Variants in GSK3B observed in about 807,000 individuals in gnomAD.
GSK3B encodes glycogen synthase kinase 3 beta.
Under a neutral mutation model 56.4 loss-of-function variants are expected in GSK3B, and 15 were observed. The observed-to-expected ratio is 0.27, with a 90% CI of 0.18 to 0.41. The LOEUF (loss-of-function observed/expected upper bound fraction) is 0.41. Ranked by LOEUF, GSK3B falls within the 10% of genes least tolerant of loss-of-function variation. The pLI is 1.00. For missense variants in GSK3B, 300 were observed against 513.4 expected, an observed-to-expected ratio of 0.58 and a Z score of 4.02; for synonymous variants, 181 against 188.9, an observed-to-expected ratio of 0.96 and a Z score of 0.34.
At chr3:120,076,602 T>C (rs1208583656) in intron 1 of GSK3B, among the ~76,000 whole-genome samples, 1 of 151,590 alleles carries the variant, frequency 6.6e-6, no homozygotes, top group Non-Finnish European at 1.5e-5. Context: ...GATCACGAGG[T>C]CAGGAGATCG....
At chr3:119,987,617 T>C (rs1361919440) in intron 2 of GSK3B, among the ~76,000 whole-genome samples, 1 of 152,130 alleles carries the variant, frequency 6.6e-6, no homozygotes, top group Non-Finnish European at 1.5e-5. Flanking sequence ...TGGGTTTTTC[T>C]TAAAGCACTA....
chr3:120,028,763 G>A (rs2057950733), intron 1 of GSK3B: 1 of 474,752 alleles, frequency 2.1e-6, no homozygotes, highest in Non-Finnish European at 4.1e-6. Context: ...GCTGGGCAGA[G>A]AGAGGTTGGG....
intron 1 of GSK3B, among the ~76,000 whole-genome samples, chr3:120,072,772 T>C (rs2058337038): frequency 6.6e-6 from 1 of 152,108 alleles, no homozygotes; most frequent in African/African-American, 2.4e-5. Flanking sequence ...AGTGCAAGAA[T>C]AATATAAAAC....
chr3:119,827,236 T>A (rs766440808), intron 10 of GSK3B, among the ~76,000 whole-genome samples: 1 of 152,190 alleles, frequency 6.6e-6, no homozygotes, highest in Non-Finnish European at 1.5e-5. Flanking sequence ...TGAACCATGT[T>A]ACAATATGCC....
chr3:119,922,599 C>A (rs959254880), intron 4 of GSK3B, among the ~76,000 whole-genome samples: 1 of 150,992 alleles, frequency 6.6e-6, no homozygotes, highest in Non-Finnish European at 1.5e-5. Context: ...ACTTTGATAA[C>A]CCTTTTATTA....
At chr3:119,885,298 G>A (rs1406013692) in intron 7 of GSK3B, among the ~76,000 whole-genome samples, 2 of 129,410 alleles carry the variant, frequency 1.5e-5, no homozygotes, top group Admixed American at 7.5e-5. Flanking sequence ...AAAATACCTA[G>A]GAATACCTCT....
At chr3:120,054,851 T>A (rs760372255) in intron 1 of GSK3B, among the ~76,000 whole-genome samples, 1 of 152,212 alleles carries the variant, frequency 6.6e-6, no homozygotes, top group South Asian at 2.1e-4. Context: ...GTGTAGCACA[T>A]GTAATGAGTT....
chr3:119,981,367 G>A (rs1267902425), intron 2 of GSK3B, among the ~76,000 whole-genome samples: 3 of 152,214 alleles, frequency 2.0e-5, no homozygotes, highest in Admixed American at 6.5e-5. Context: ...TGCAGCCCAT[G>A]GAGGGCAAGC....
At chr3:119,945,499 T>TTC (rs1398747465) in intron 3 of GSK3B, among the ~76,000 whole-genome samples, 1 of 152,120 alleles carries the variant, frequency 6.6e-6, no homozygotes, top group Non-Finnish European at 1.5e-5. Context: ...GGCATACAGA[T>TTC]AAGAGGCAGT....
chr3:119,993,429 T>C (rs1482840350), intron 2 of GSK3B, among the ~76,000 whole-genome samples: 1 of 152,088 alleles, frequency 6.6e-6, no homozygotes, highest in East Asian at 1.9e-4. Flanking sequence ...ATTAATAGTC[T>C]ATGCTACAGG....
chr3:119,922,374 T>C (rs2056852026), intron 4 of GSK3B, among the ~76,000 whole-genome samples: 2 of 148,108 alleles, frequency 1.4e-5, no homozygotes, highest in Admixed American at 6.8e-5. Flanking sequence ...ACATATAGTA[T>C]AGTTTATATA....
chr3:119,959,450 C>T (rs1455129218), intron 2 of GSK3B, among the ~76,000 whole-genome samples: 4 of 151,800 alleles, frequency 2.6e-5, no homozygotes, highest in African/African-American at 9.7e-5. Context: ...GGCAATTCCA[C>T]TCCTCTAGTT....
chr3:119,904,932 T>C (rs1486616371), intron 7 of GSK3B, among the ~76,000 whole-genome samples: 2 of 150,436 alleles, frequency 1.3e-5, no homozygotes, highest in Non-Finnish European at 3.0e-5. Flanking sequence ...AATGAAACAA[T>C]CTAGTGATAT....
At chr3:120,049,256 A>T (rs1437247563) in intron 1 of GSK3B, among the ~76,000 whole-genome samples, 1 of 152,232 alleles carries the variant, frequency 6.6e-6, no homozygotes, top group Admixed American at 6.5e-5. Flanking sequence ...ACACAAAAGC[A>T]ATCCATTTAT....
intron 1 of GSK3B, among the ~76,000 whole-genome samples, chr3:120,082,382 G>GTTTTTTTT (rs1296252569): frequency 2.8e-5 from 2 of 72,498 alleles, no homozygotes; most frequent in African/African-American, 1.1e-4. Flanking sequence ...AAATTAGTAT[G>GTTTTTTTT]TTCTTTTTTT....
chr3:119,888,075 CA>C (rs1423329985), intron 7 of GSK3B, among the ~76,000 whole-genome samples: 19 of 151,996 alleles, frequency 1.3e-4, no homozygotes, highest in Non-Finnish European at 2.9e-5. Flanking sequence ...AGATCTTCAC[CA>C]CAAAAAAGTA....
intron 9 of GSK3B, among the ~76,000 whole-genome samples, chr3:119,850,863 G>C (rs762464124): frequency 6.6e-6 from 1 of 151,952 alleles, no homozygotes; most frequent in Non-Finnish European, 1.5e-5. Context: ...AGAGTAGGGG[G>C]ATAAGAACAA....
chr3:120,065,163 G>A (rs952308644), intron 1 of GSK3B, among the ~76,000 whole-genome samples: 1 of 151,980 alleles, frequency 6.6e-6, no homozygotes, highest in African/African-American at 2.4e-5. Context: ...GCATCAAAGG[G>A]CACTAAAAAG....
rs934466020 is a variant in GSK3B, at chr3:119,824,991, C to T, written c.*1797G>A. 4.3e-5 allele frequency: 8 copies of T among 184,966 alleles called. No homozygotes were observed. Among genetic ancestry groups the T allele is most frequent in the African/African-American group, 2.3e-5 (1 of 42,600 alleles). 11.5% of individuals were successfully genotyped at this position (184,966 alleles called of 1,614,324 possible). A position where few individuals can be genotyped will look rare whatever the true frequency, so the allele number is the denominator to read the frequency against. On this transcript the variant is annotated 3_prime_UTR_variant, in exon 11 of 11. Coordinates refer to ENST00000264235, the MANE Select transcript of GSK3B (RefSeq NM_001146156.2). ...TGGAGGACGAGACCCATAAAGTGAC[C>T]TAAGGTGGCAATGAGGAGGGTGAGG...
Sources: gnomAD v4.1 joint callset for allele counts (sites outside exome capture counted in the v4.1 genomes callset) on GRCh38, gnomAD v4.1.1 for gene constraint, MANE v1.5 for transcripts, NCBI Gene and HGNC (gene_info 2026-07-23, HGNC 2026-07-21) for gene names.